The following ITGB3 variants were observed in gnomAD, a reference collection of about 807,000 sequenced individuals.
ITGB3 encodes the protein integrin beta-3.
In ITGB3, 48 loss-of-function variants were observed where a neutral mutation model predicts 85.8. The observed-to-expected ratio is 0.56, with a 90% confidence interval of 0.44 to 0.71. The LOEUF is 0.71. Ranked by LOEUF, ITGB3 falls within the 30% of genes least tolerant of loss-of-function variation. The probability of loss-of-function intolerance (pLI) is 0.00; values close to 1 mark genes in which losing one functional copy is unlikely to be tolerated. For missense variants in ITGB3, 861 were observed against 1,019.1 expected, an observed-to-expected ratio of 0.84 and a Z score of 2.11; for synonymous variants, 363 against 395.6, an observed-to-expected ratio of 0.92 and a Z score of 0.98.
At chr17:47,256,841 G>A (rs2064992249) in intron 1 of ITGB3, among the ~76,000 whole-genome samples, 1 of 152,158 alleles carries the variant, frequency 6.6e-6, no homozygotes. Flanking sequence ...CTCTTCTGGA[G>A]TTTATATCCT....
chr17:47,272,681 T>C (rs61516395), intron 1 of ITGB3, among the ~76,000 whole-genome samples: 1,202 of 93,332 alleles, frequency 0.013, 9 homozygotes, highest in African/African-American at 0.046. Flanking sequence ...TTCTTTCTTT[T>C]TTTTTCTTTC....
intron 10 of ITGB3, among the ~76,000 whole-genome samples, chr17:47,294,510 A>T (rs1274061787): frequency 6.6e-6 from 1 of 152,216 alleles, no homozygotes; most frequent in Non-Finnish European, 1.5e-5. Context: ...CCTGCCTCTC[A>T]CCAGTGCAAG....
chr17:47,290,908 T>C, intron 8 of ITGB3, 46 bp from the exon 9 acceptor site: 2 of 1,612,240 alleles, frequency 1.2e-6, no homozygotes, highest in Non-Finnish European at 1.7e-6. Context: ...ATTTCCCGTT[T>C]CCTTTCAGTT....
rs115690816 is a variant in ITGB3, at chr17:47,301,226, T to C, written c.2014+648T>C. Among the ~76,000 whole-genome samples, 1,061 of 152,346 alleles carry C rather than the reference T, an allele frequency of 7.0e-3. 17 individuals are homozygous for C. Among genetic ancestry groups the C allele is most frequent in the African/African-American group, 0.023 (968 of 41,582 alleles). ...CTTAAAAGGAGATGATCTTTGCTGC[T>C]GTCATCACATCTGATATAGTTATGT... On this transcript the variant is annotated intron_variant, in intron 12 of 14. Transcript: ENST00000559488.
intron 1 of ITGB3, among the ~76,000 whole-genome samples, chr17:47,273,950 C>A (rs1228164903): frequency 2.6e-5 from 4 of 152,194 alleles, no homozygotes; most frequent in Admixed American, 1.3e-4. Flanking sequence ...CCCTCCACGC[C>A]CCCACTGTAT....
At chr17:47,300,124 A>C (rs2065160690) in intron 11 of ITGB3, among the ~76,000 whole-genome samples, 2 of 152,182 alleles carry the variant, frequency 1.3e-5, no homozygotes. Context: ...TTCATTTTGC[A>C]CTGGGCCCCC....
At chr17:47,295,708 C>T (rs1315312243) in intron 10 of ITGB3, among the ~76,000 whole-genome samples, 1 of 143,858 alleles carries the variant, frequency 7.0e-6, no homozygotes, top group Non-Finnish European at 1.5e-5. Context: ...TGCCAGGCCC[C>T]TGTGGTGTCG....
intron 3 of ITGB3, 67 bp downstream of exon 3, chr17:47,283,616 T>G: frequency 6.7e-7 from 1 of 1,490,748 alleles, no homozygotes; most frequent in Non-Finnish European, 9.3e-7. Flanking sequence ...GGTGGAGGTC[T>G]GAGGAGGAAG....
chr17:47,268,853 C>T (rs569664292), intron 1 of ITGB3, among the ~76,000 whole-genome samples: 23 of 152,348 alleles, frequency 1.5e-4, no homozygotes, highest in Middle Eastern at 3.4e-3. Context: ...CCCATATTTC[C>T]CTTGTGCACT....
chr17:47,262,602 T>C (rs2085596088), intron 1 of ITGB3, among the ~76,000 whole-genome samples: 1 of 152,112 alleles, frequency 6.6e-6, no homozygotes, highest in South Asian at 2.1e-4. Flanking sequence ...ACCTGTTTGT[T>C]TTACAAAAAA....
At chr17:47,307,126 T>C (rs2065191428) in intron 13 of ITGB3, among the ~76,000 whole-genome samples, 1 of 152,154 alleles carries the variant, frequency 6.6e-6, no homozygotes, top group Admixed American at 6.5e-5. Context: ...TCATAGGTAG[T>C]TTTTCGATCC....
Position 47,283,405 on chromosome 17 carries a change from G to A in ITGB3, c.217G>A (p.Asp73Asn), listed in dbSNP as rs753950788. Residue 73 changes from aspartate to asparagine, a missense_variant, in exon 3 of 15, where the codon GAT becomes AAT. Asp to Asn is a conservative substitution (Grantham distance 23). Transcript: ENST00000559488. Reference sequence around the variant, plus strand: ...TGACCTGAAGGAGAATCTGCTGAAGGATAACTGTGCCCCAGAATCCATCGA... The same window carrying A: ...TGACCTGAAGGAGAATCTGCTGAAGAATAACTGTGCCCCAGAATCCATCGA... ...RCDLKENLLKDNCAPESIEFP... is the reference protein window; with the variant it reads ...RCDLKENLLKNNCAPESIEFP... The A allele has an allele frequency of 5.6e-6, 9 of 1,614,216 alleles. 1 individual carries two copies. The South Asian group carries it at 9.9e-5, about 18-fold the overall frequency.
intron 1 of ITGB3, among the ~76,000 whole-genome samples, chr17:47,262,392 A>C (rs2065011578): frequency 1.3e-5 from 2 of 152,198 alleles, no homozygotes; most frequent in Non-Finnish European, 2.9e-5. Context: ...GCTAATAAAA[A>C]TTTCCAGAAC....
At chr17:47,308,246 C>T (rs2065197613) in intron 14 of ITGB3, among the ~76,000 whole-genome samples, 1 of 151,156 alleles carries the variant, frequency 6.6e-6, no homozygotes, top group Non-Finnish European at 1.5e-5. Flanking sequence ...TGATTTATTC[C>T]AATTAAATAA....
At chr17:47,294,069 C>T (rs1419315653) in intron 10 of ITGB3, among the ~76,000 whole-genome samples, 2 of 152,132 alleles carry the variant, frequency 1.3e-5, no homozygotes, top group African/African-American at 4.8e-5. Context: ...ACATTGTTTC[C>T]TTTACTCATG....
rs1366326272 is a variant in ITGB3, at chr17:47,309,815, A to G, written c.2302-324A>G. On this transcript the variant is annotated intron_variant, in intron 14 of 14. Transcript: ENST00000559488. ...GAGGCTGAGGTGGGAGGATGTCTTG[A>G]GTCAGGGGAGGTGGAGGTTTCAGTA... is the stretch of plus-strand genomic sequence containing the variant. Among the ~76,000 whole-genome samples the G allele has an allele frequency of 2.0e-5, 3 of 148,680 alleles. No individual in the cohort carries two copies. In the East Asian group the frequency reaches 6.2e-4, roughly 31 times the overall value.
intron 14 of ITGB3, among the ~76,000 whole-genome samples, chr17:47,308,853 A>T (rs190597819): frequency 2.8e-4 from 43 of 152,192 alleles, no homozygotes; most frequent in African/African-American, 9.1e-4. Context: ...CTGTTGGAAA[A>T]TAGTTTGGGA....
chr17:47,280,545 C>T (rs962131010), intron 2 of ITGB3, among the ~76,000 whole-genome samples: 38 of 152,046 alleles, frequency 2.5e-4, no homozygotes, highest in Non-Finnish European at 7.4e-5. Context: ...TTAGTGGAGA[C>T]GGGGTTTTGC....
chr17:47,272,750 CT>C (rs2065050097), intron 1 of ITGB3, among the ~76,000 whole-genome samples: 1 of 125,486 alleles, frequency 8.0e-6, no homozygotes, highest in Non-Finnish European at 1.7e-5. Context: ...CTTTCTTTCT[CT>C]CTCCTTCCTT....
Sources: allele counts gnomAD v4.1 joint callset (sites outside exome capture counted in the v4.1 genomes callset), GRCh38; gene constraint gnomAD v4.1.1; transcripts MANE v1.5; gene names NCBI Gene and HGNC (gene_info 2026-07-23, HGNC 2026-07-21).